Variants in ZC3H6 observed in about 807,000 individuals in gnomAD.
The protein encoded by ZC3H6 is zinc finger CCCH-type containing 6, also known as zinc finger CCCH domain-containing protein 6.
A neutral mutation model predicts 107.7 loss-of-function variants in ZC3H6; 40 were observed. That is an observed-to-expected ratio of 0.37 (90% confidence interval 0.29 to 0.48). The LOEUF (loss-of-function observed/expected upper bound fraction) is 0.48. Among genes scored for constraint, ZC3H6 ranks in the 20% least tolerant of loss-of-function variants. The pLI, the probability that ZC3H6 is intolerant of heterozygous loss-of-function variation, is 0.98. For missense variants in ZC3H6, 1,267 were observed against 1,410.4 expected (o/e 0.90, Z 1.63); for synonymous variants, 493 against 487.9 (o/e 1.01, Z -0.14).
intron 11 of ZC3H6, 140 bp from the exon 12 acceptor site, chr2:112,330,865 T>C (rs1414308403): frequency 3.5e-6 from 1 of 288,918 alleles, no homozygotes; most frequent in African/African-American, 2.3e-5. Context: ...TCAGAAATAG[T>C]ATGTGTTTTT....
At chr2:112,324,860 T>A in intron 10 of ZC3H6, 104 bp from the exon 11 acceptor site, 2 of 1,153,528 alleles carry the variant, frequency 1.7e-6, no homozygotes, top group South Asian at 1.6e-5. Context: ...TTAAATGATA[T>A]AATTTGATAA....
intron 11 of ZC3H6, 79 bp from the exon 12 acceptor site, chr2:112,330,921 ATAATT>A (rs1435212178): frequency 8.5e-6 from 5 of 590,308 alleles, no homozygotes; most frequent in Non-Finnish European, 1.1e-5. Flanking sequence ...ATTATAAAGA[ATAATT>A]TATAATTATA....
intron 7 of ZC3H6, 33 bp from the exon 8 acceptor site, chr2:112,321,723 T>G (rs747252547): frequency 1.5e-6 from 2 of 1,307,884 alleles, no homozygotes; most frequent in East Asian, 5.3e-5. Context: ...GACCTTGATT[T>G]TACTTGGTCT....
intron 11 of ZC3H6, among the ~76,000 whole-genome samples, chr2:112,325,664 C>CT (rs912638285): frequency 6.6e-5 from 10 of 150,878 alleles, no homozygotes; most frequent in East Asian, 1.9e-4. Flanking sequence ...AAGCCTTTTG[C>CT]TTTTTTTTTC....
intron 1 of ZC3H6, among the ~76,000 whole-genome samples, chr2:112,287,267 G>A (rs935311893): frequency 3.9e-5 from 6 of 151,948 alleles, no homozygotes; most frequent in African/African-American, 1.5e-4. Flanking sequence ...TAATTTGAAA[G>A]GTAATGAAAG....
chr2:112,322,387 A>G (rs1248550588), intron 8 of ZC3H6, among the ~76,000 whole-genome samples: 1 of 150,032 alleles, frequency 6.7e-6, no homozygotes, highest in Non-Finnish European at 1.5e-5. Flanking sequence ...CAACCTTCTG[A>G]GGTGGGCACT....
Position 112,317,318 on chromosome 2 carries a change from G to C in ZC3H6, c.962G>C (p.Cys321Ser), listed in dbSNP as rs757216596. 6.8e-7 allele frequency: 1 copy of C among 1,478,126 alleles called. No homozygotes were observed. The allele number at this position is 1,478,126 out of a possible 1,614,324, so 91.6% of individuals were successfully genotyped here. ...LQGYCTKGEN[C>S]IYMHNEFPCK... The stretch of plus-strand genomic sequence containing the variant: ...GGATATTGTACCAAAGGAGAGAACT[G>C]CATTTATATGCATAATATCCTTTAT... The change falls in exon 7 of 12, where the codon TGC (cysteine) becomes TCC (serine). Residue 321 changes from cysteine (C) to serine (S), a missense_variant. Physicochemically the swap from Cys to Ser is moderately radical, Grantham distance 112. Coordinates refer to ENST00000409871, the MANE Select transcript of ZC3H6 (RefSeq NM_198581.3).
intron 5 of ZC3H6, among the ~76,000 whole-genome samples, chr2:112,312,848 A>G (rs529049524): frequency 1.7e-3 from 242 of 144,040 alleles, no homozygotes; most frequent in Non-Finnish European, 2.7e-3. Context: ...TGACAGAGCG[A>G]GACTCCATCT....
At chr2:112,277,191 A>C (rs1397361611) in intron 1 of ZC3H6, among the ~76,000 whole-genome samples, 1 of 152,222 alleles carries the variant, frequency 6.6e-6, no homozygotes, top group East Asian at 1.9e-4. Context: ...CCCAGAGGGC[A>C]CGTCAATCAA....
At chr2:112,314,001 A>AT (rs1046821385) in intron 5 of ZC3H6, among the ~76,000 whole-genome samples, 4 of 152,244 alleles carry the variant, frequency 2.6e-5, no homozygotes, top group African/African-American at 7.2e-5. Flanking sequence ...TACCTATTAC[A>AT]TTTTTTTGTA....
intron 1 of ZC3H6, 43 bp downstream of exon 1, chr2:112,276,069 G>C: frequency 6.5e-7 from 1 of 1,529,418 alleles, no homozygotes; most frequent in Non-Finnish European, 8.8e-7. Flanking sequence ...GATGAGAGGA[G>C]GGGTCTGGGG....
At chr2:112,297,941 C>A (rs1676273297) in intron 1 of ZC3H6, among the ~76,000 whole-genome samples, 1 of 152,046 alleles carries the variant, frequency 6.6e-6, no homozygotes, top group South Asian at 2.1e-4. Context: ...GTGGTGAAAC[C>A]CCCATCTCCG....
intron 2 of ZC3H6, among the ~76,000 whole-genome samples, chr2:112,302,875 T>C (rs1372348900): frequency 6.6e-6 from 1 of 152,120 alleles, no homozygotes; most frequent in African/African-American, 2.4e-5. Flanking sequence ...ACTCTACTCA[T>C]GTTCTATGAC....
chr2:112,320,930 A>G (rs995440440), intron 7 of ZC3H6, among the ~76,000 whole-genome samples: 5 of 152,130 alleles, frequency 3.3e-5, no homozygotes, highest in Non-Finnish European at 7.4e-5. Context: ...CAATTAAGAA[A>G]GTATATTTTT....
chr2:112,285,956 G>T (rs147135845), intron 1 of ZC3H6: 1 of 185,046 alleles, frequency 5.4e-6, no homozygotes, highest in African/African-American at 2.4e-5. Flanking sequence ...GCGAGTCTCC[G>T]TCTCAAAAAA....
Position 112,276,148 on chromosome 2 carries a change from C to T in ZC3H6, c.32+122C>T, listed in dbSNP as rs543855771. 12 of 806,826 alleles carry T rather than the reference C, an allele frequency of 1.5e-5. No homozygotes were observed. The South Asian group carries it at 1.7e-4, about 12-fold the overall frequency. The allele number at this position is 806,826 out of a possible 1,614,324, so 50.0% of individuals were successfully genotyped here. On this transcript the variant is annotated intron_variant, in intron 1 of 11. Transcript: ENST00000409871. ...ACGTCTCTGTGTGGCTCCGTCAGTT[C>T]CATGACGCGCACTCTTATGTAAACT...
rs753412042 is a variant in ZC3H6, at chr2:112,325,246, A to AT, written c.2086+54dup. ...ATCTTACCTATTTGGATGGGTTAAA[A>AT]TTTTTAAATGGCCGAGGCAGGTGAA... is the stretch of plus-strand genomic sequence containing the variant. On this transcript the variant is annotated intron_variant, in intron 11 of 11. Coordinates refer to ENST00000409871, the MANE Select transcript of ZC3H6 (RefSeq NM_198581.3). The AT allele has an allele frequency of 5.7e-6, 9 of 1,566,780 alleles. No homozygotes were observed. The Admixed American group carries it at 1.6e-4, about 27-fold the overall frequency.
In ZC3H6 at chr2:112,281,332, T is replaced by C. The variant is rs187849451; in HGVS notation, c.32+5306T>C. 2.9e-3 allele frequency among the ~76,000 whole-genome samples: 447 copies of C among 152,258 alleles called. 2 individuals carry two copies. The highest frequency in any genetic ancestry group is 9.9e-3 in the African/African-American group (411 of 41,536). ...TGGACCAGGAATGAGCCTGGTATGA[T>C]TGAGGAAAACACAAGGGATTTCACT... On this transcript the variant is annotated intron_variant, in intron 1 of 11. Coordinates refer to ENST00000409871, the MANE Select transcript of ZC3H6 (RefSeq NM_198581.3).
chr2:112,308,222 A>G (rs1676513339), intron 3 of ZC3H6, among the ~76,000 whole-genome samples: 1 of 152,062 alleles, frequency 6.6e-6, no homozygotes, highest in African/African-American at 2.4e-5. Context: ...AAAAAGTACT[A>G]CTTAAAACAA....
Sources: gnomAD v4.1 joint callset for allele counts (sites outside exome capture counted in the v4.1 genomes callset) on GRCh38, gnomAD v4.1.1 for gene constraint, MANE v1.5 for transcripts, NCBI Gene and HGNC (gene_info 2026-07-23, HGNC 2026-07-21) for gene names.